PLA2G4C: variants seen among roughly 807,000 people sequenced by gnomAD.
PLA2G4C encodes phospholipase A2 group IVC, also known as cytosolic phospholipase A2 gamma.
Under a neutral mutation model 73.8 loss-of-function variants are expected in PLA2G4C, and 64 were observed. The observed-to-expected ratio is 0.87, with a 90% confidence interval of 0.71 to 1.07. The LOEUF is 1.07. Among genes scored for constraint, PLA2G4C ranks in the 50% least tolerant of loss-of-function variants. The pLI, the probability that PLA2G4C is intolerant of heterozygous loss-of-function variation, is 0.00. For missense variants in PLA2G4C, 622 were observed against 665.4 expected, an observed-to-expected ratio of 0.93 and a Z score of 0.72; for synonymous variants, 254 against 252.1, an observed-to-expected ratio of 1.01 and a Z score of -0.07.
chr19:48,105,298 G>A, intron 3 of PLA2G4C, 35 bp downstream of exon 3: 1 of 1,463,100 alleles, frequency 6.8e-7, no homozygotes, highest in South Asian at 1.2e-5. Flanking sequence ...GGGCGATTCT[G>A]GGATCTCTGG....
intron 6 of PLA2G4C, among the ~76,000 whole-genome samples, chr19:48,096,289 T>G (rs951516791): frequency 5.3e-5 from 8 of 151,970 alleles, no homozygotes; most frequent in African/African-American, 1.7e-4. Context: ...AGGAGAGAGA[T>G]AAAACATTCA....
At chr19:48,081,396 G>A (rs1171322636) in intron 10 of PLA2G4C, among the ~76,000 whole-genome samples, 1 of 152,134 alleles carries the variant, frequency 6.6e-6, no homozygotes, top group Non-Finnish European at 1.5e-5. Context: ...GGTACGCAAA[G>A]GCATACAGAG....
chr19:48,069,684 G>C (rs991727954), intron 12 of PLA2G4C, among the ~76,000 whole-genome samples: 2 of 152,200 alleles, frequency 1.3e-5, no homozygotes, highest in African/African-American at 4.8e-5. Flanking sequence ...AAAGCTAGTA[G>C]GGAGGTGGGT....
intron 3 of PLA2G4C, among the ~76,000 whole-genome samples, chr19:48,105,088 A>G (rs1035724889): frequency 1.8e-5 from 2 of 112,406 alleles, no homozygotes; most frequent in African/African-American, 7.4e-5. Context: ...GTCTCAAAAA[A>G]AAAAAAAAAA....
chr19:48,070,120 G>A (rs1324111300), intron 12 of PLA2G4C, among the ~76,000 whole-genome samples: 2 of 152,166 alleles, frequency 1.3e-5, no homozygotes, highest in Non-Finnish European at 2.9e-5. Context: ...ACCAGGAAGA[G>A]AGTAACACCT....
chr19:48,096,765 C>T (rs1264580231), intron 6 of PLA2G4C: 1 of 152,154 alleles, frequency 6.6e-6, no homozygotes, highest in African/African-American at 2.4e-5. Context: ...AGGTCTGGAT[C>T]TCAGGAGAGA....
intron 3 of PLA2G4C, among the ~76,000 whole-genome samples, chr19:48,104,973 C>G (rs1353352071): frequency 6.6e-6 from 1 of 151,528 alleles, no homozygotes; most frequent in Non-Finnish European, 1.5e-5. Context: ...ATCCCAGCTG[C>G]TCAGCAGGCT....
chr19:48,077,615 G>A (rs892617237), intron 11 of PLA2G4C, among the ~76,000 whole-genome samples, 156 bp downstream of exon 11: 14 of 152,112 alleles, frequency 9.2e-5, no homozygotes, highest in African/African-American at 2.7e-4. Context: ...TCCTGGCTGC[G>A]TGGCCTCAGG....
intron 12 of PLA2G4C, among the ~76,000 whole-genome samples, chr19:48,071,696 G>A (rs1160132481): frequency 6.6e-6 from 1 of 151,812 alleles, no homozygotes; most frequent in African/African-American, 2.4e-5. Context: ...CGACCCTCCC[G>A]CCTCAGCCTC....
chr19:48,068,867 G>A (rs1367687030), intron 12 of PLA2G4C, among the ~76,000 whole-genome samples: 2 of 152,018 alleles, frequency 1.3e-5, no homozygotes, highest in Non-Finnish European at 2.9e-5. Flanking sequence ...GGCCTCAGGA[G>A]AAACTGACCC....
At chr19:48,061,916 G>A (rs1469452322) in intron 14 of PLA2G4C, 82 bp downstream of exon 14, 22 of 1,415,750 alleles carry the variant, frequency 1.6e-5, no homozygotes, top group South Asian at 5.9e-5. Flanking sequence ...TTCCCAGCCC[G>A]CGTCCTCAGT....
In PLA2G4C at chr19:48,064,111, G is replaced by T. The variant is rs544449554; in HGVS notation, c.1103-1959C>A. 3.9e-3 allele frequency among the ~76,000 whole-genome samples: 589 copies of T among 152,250 alleles called. 5 individuals carry two copies. Among genetic ancestry groups the T allele is most frequent in the African/African-American group, 0.014 (562 of 41,546 alleles). On this transcript the variant is annotated intron_variant, in intron 13 of 16. Transcript: ENST00000599921. ...GAGATGTGCTCTGCTACAAGTATTTGTGATAAAGGATTAATTTTCATAATT... is the reference window on the plus strand; with the variant it reads ...GAGATGTGCTCTGCTACAAGTATTTTTGATAAAGGATTAATTTTCATAATT...
In PLA2G4C at chr19:48,092,411, C is replaced by T. The variant is rs745846094; in HGVS notation, c.710-1994G>A. On this transcript the variant is annotated intron_variant, in intron 7 of 16. Coordinates refer to ENST00000599921, the MANE Select transcript of PLA2G4C (RefSeq NM_003706.3). ...CAGCAATTCTACCTCTGAGTATATA[C>T]CCAAAAGAATTGAAAGCAGGGTCTC... Among the ~76,000 whole-genome samples, 71 of 152,140 alleles carry T rather than the reference C, an allele frequency of 4.7e-4. 1 individual carries two copies. The highest frequency in any genetic ancestry group is 7.4e-5 in the Non-Finnish European group (5 of 68,024).
intron 14 of PLA2G4C, chr19:48,061,338 T>A (rs1968161976): frequency 6.6e-6 from 1 of 152,644 alleles, no homozygotes; most frequent in African/African-American, 2.4e-5. Context: ...GCAGATACTG[T>A]GCTAAGCACT....
At chr19:48,097,030 C>T (rs1453779125) in intron 6 of PLA2G4C, 3 of 151,876 alleles carry the variant, frequency 2.0e-5, no homozygotes, top group Non-Finnish European at 4.4e-5. Context: ...TGGCGCATGC[C>T]TGTAATCCCA....
intron 13 of PLA2G4C, among the ~76,000 whole-genome samples, chr19:48,066,744 C>T (rs1019043470): frequency 2.4e-4 from 37 of 151,876 alleles, no homozygotes; most frequent in East Asian, 7.7e-4. Context: ...GTGGGAGGAT[C>T]GCTTGAGCCC....
At chr19:48,082,834 G>C (rs866475785) in intron 10 of PLA2G4C, among the ~76,000 whole-genome samples, 2 of 119,904 alleles carry the variant, frequency 1.7e-5, no homozygotes, top group Admixed American at 9.9e-5. Flanking sequence ...TTTTTTTTGA[G>C]ACGGAGTCTC....
At chr19:48,064,513 G>A (rs939804567) in intron 13 of PLA2G4C, among the ~76,000 whole-genome samples, 3 of 151,280 alleles carry the variant, frequency 2.0e-5, no homozygotes, top group Non-Finnish European at 2.9e-5. Flanking sequence ...TTAGGAATGC[G>A]TCTGTTCTCA....
chr19:48,101,613 T>C (rs531255506), intron 4 of PLA2G4C, among the ~76,000 whole-genome samples: 3 of 152,226 alleles, frequency 2.0e-5, no homozygotes, highest in South Asian at 2.1e-4. Context: ...CATTCAGTTA[T>C]TGGGAAACTC....
Sources: gnomAD v4.1 joint callset for allele counts (sites outside exome capture counted in the v4.1 genomes callset) on GRCh38, gnomAD v4.1.1 for gene constraint, MANE v1.5 for transcripts, NCBI Gene and HGNC (gene_info 2026-07-23, HGNC 2026-07-21) for gene names.